The following RIF1 variants were observed in gnomAD, a reference collection of about 807,000 sequenced individuals.
RIF1 encodes replication timing regulatory factor 1.
A neutral mutation model predicts 247.1 loss-of-function variants in RIF1; 45 were observed. That is an observed-to-expected ratio of 0.18 (90% CI 0.14 to 0.23). The LOEUF is 0.23. Ranked by LOEUF, RIF1 falls within the 10% of genes least tolerant of loss-of-function variation. The probability of loss-of-function intolerance (pLI) is 1.00; values close to 1 mark genes in which losing one functional copy is unlikely to be tolerated. For missense variants in RIF1, 2,967 were observed against 2,862.5 expected (o/e 1.04, Z -0.83); for synonymous variants, 1,087 against 978.8 (o/e 1.11, Z -2.06).
chr2:151,514,294 G>A, the RIF1 span: 1 of 1,476,258 alleles, frequency 6.8e-7, no homozygotes. Context: ...TGAATTACGT[G>A]CAGGCAGTCA....
the RIF1 span, among the ~76,000 whole-genome samples, chr2:151,517,788 G>T: frequency 3.9e-5 from 6 of 152,172 alleles, no homozygotes; most frequent in Admixed American, 1.3e-4. Context: ...GGTATTAAAG[G>T]TTTTAAAATG....
chr2:151,487,075 G>T (rs190314267), downstream of RIF1, among the ~76,000 whole-genome samples: 8 of 152,320 alleles, frequency 5.3e-5, no homozygotes, highest in East Asian at 1.5e-3. Flanking sequence ...GCGTGTGTGT[G>T]TACTGACAGA....
At chr2:151,513,533 G>A in the RIF1 span, 5 of 1,396,286 alleles carry the variant, frequency 3.6e-6, no homozygotes, top group Non-Finnish European at 5.0e-6. Flanking sequence ...TGTCCTTAAA[G>A]TTACAACTAC....
At position 151,410,502 on chromosome 2, in the gene RIF1, A is replaced by G. The variant is rs748867121; in HGVS notation, c.79A>G (p.Thr27Ala). Residue 27 changes from threonine (T) to alanine (A), a missense_variant, in exon 2 of 36, where the codon ACT becomes GCT. By Grantham distance (58) the Thr-to-Ala change is moderately conservative. Transcript: ENST00000444746. ...CCCTTCTGCCTCCCATGGAGGGCAGACTGACGCTTACCTGACTCTGACCAG... is the reference window on the plus strand; with the variant it reads ...CCCTTCTGCCTCCCATGGAGGGCAGGCTGACGCTTACCTGACTCTGACCAG... ...EDPSASHGGQ[T>A]DAYLTLTSRM... is the part of the protein sequence containing the mutation. 6.8e-6 allele frequency: 11 copies of G among 1,613,960 alleles called. No individual in the cohort carries two copies. Among genetic ancestry groups the G allele is most frequent in the East Asian group, 2.2e-5 (1 of 44,854 alleles).
chr2:151,501,541 T>G (rs2153075506), intron 11 of RIF1: 1 of 1,013,494 alleles, frequency 9.9e-7, no homozygotes, highest in South Asian at 2.9e-5. Context: ...TTAGGTAGAC[T>G]TAACCTAAAA....
chr2:151,410,586 G>A (rs911191524), intron 2 of RIF1, 59 bp downstream of exon 2: 19 of 1,400,388 alleles, frequency 1.4e-5, no homozygotes, highest in Non-Finnish European at 1.7e-5. Flanking sequence ...GGAGAAAGAA[G>A]GTGGTTGGGA....
chr2:151,431,812 T>TGAAC (rs1690197865), intron 9 of RIF1, among the ~76,000 whole-genome samples: 1 of 148,434 alleles, frequency 6.7e-6, no homozygotes, highest in Non-Finnish European at 1.5e-5. Context: ...AATGAATGAA[T>TGAAC]GAACAAAAAG....
chr2:151,417,016 C>A, intron 6 of RIF1, 115 bp downstream of exon 6: 1 of 700,312 alleles, frequency 1.4e-6, no homozygotes, highest in Non-Finnish European at 2.4e-6. Flanking sequence ...ATGTCATTTA[C>A]ACCAAACGAC....
chr2:151,486,503 A>G (rs1190921069), downstream of RIF1: 1 of 153,006 alleles, frequency 6.5e-6, no homozygotes, highest in Non-Finnish European at 1.5e-5. Context: ...TCCTAGGTGT[A>G]TACCCAAGAA....
chr2:151,409,937 C>T lies in RIF1; in HGVS notation c.-107C>T, dbSNP rs897157319. ...TTGGTCTAGGAGGGAGCGCGCCGCA[C>T]GCGTGAGTAAACAGCCGGAGCTGGG... On this transcript the variant is annotated 5_prime_UTR_variant, in exon 1 of 36. In the 5' UTR this introduces an upstream ATG that the reference lacks. Coordinates refer to ENST00000444746, the MANE Select transcript of RIF1 (RefSeq NM_018151.5). The T allele has an allele frequency of 2.9e-6, 2 of 700,902 alleles. No individual in the cohort carries two copies. Among genetic ancestry groups the T allele is most frequent in the South Asian group, 1.5e-5 (1 of 66,812 alleles). 43.4% of individuals were successfully genotyped at this position (700,902 alleles called of 1,614,324 possible). A position where few individuals can be genotyped will look rare whatever the true frequency, so the allele number is the denominator to read the frequency against.
chr2:151,503,461 T>A, intron 12 of RIF1: 1 of 1,520,968 alleles, frequency 6.6e-7, no homozygotes, highest in South Asian at 1.1e-5. Flanking sequence ...ATAATTAGAA[T>A]ACCCAGAAAG....
intron 9 of RIF1, chr2:151,491,385 T>C (rs2056521645): frequency 3.6e-6 from 1 of 278,438 alleles, no homozygotes; most frequent in South Asian, 4.3e-5. Flanking sequence ...CCTATGTATT[T>C]TATGTATTTT....
the RIF1 span, among the ~76,000 whole-genome samples, chr2:151,531,628 T>G: frequency 6.6e-6 from 1 of 152,210 alleles, no homozygotes; most frequent in East Asian, 1.9e-4. Flanking sequence ...CAACAATTCT[T>G]TATTGGGGAG....
At chr2:151,474,740 C>G in intron 35 of RIF1, 117 bp from the exon 36 acceptor site, 1 of 661,966 alleles carries the variant, frequency 1.5e-6, no homozygotes, top group Non-Finnish European at 2.6e-6. Context: ...CTCATGAAGA[C>G]TTAAGCCTGC....
At chr2:151,484,019 G>A (rs553836303), downstream of RIF1, among the ~76,000 whole-genome samples, 6 of 152,308 alleles carry the variant, frequency 3.9e-5, no homozygotes, top group South Asian at 2.1e-4. Context: ...TAATGTAAAT[G>A]TATGTAAATA....
chr2:151,437,282 T>G lies in RIF1; in HGVS notation c.1414T>G (p.Ser472Ala), dbSNP rs760433586. The G allele has an allele frequency of 1.2e-6, 2 of 1,613,998 alleles. No homozygotes were observed. The highest frequency in any genetic ancestry group is 2.7e-5 in the African/African-American group (2 of 74,932). The change falls in exon 13 of 36, where the codon TCC becomes GCC. Residue 472 changes from serine to alanine, a missense_variant. Physicochemically the swap from Ser to Ala is moderately conservative, Grantham distance 99 (BLOSUM62 1). This residue lies in a region of RIF1 where 369 missense variants were observed against 322.0 expected (regional missense o/e 1.15). Coordinates refer to ENST00000444746, the MANE Select transcript of RIF1 (RefSeq NM_018151.5). ...GTTAATCAGCAGCCCTTCCTTTTTT[T>G]CCAAACATGCAAATACACTTATCAC... ...HPLISSPSFF[S>A]KHANTLITAV...
chr2:151,421,431 G>C (rs1688147471), intron 7 of RIF1, among the ~76,000 whole-genome samples: 2 of 152,220 alleles, frequency 1.3e-5, no homozygotes, highest in African/African-American at 4.8e-5. Context: ...CCTGGTTGGT[G>C]TTCTGGGAAC....
rs181598432 is a variant in RIF1 at position 151,497,885 on chromosome 2, G to C, written c.*514-1460G>C. 1.5e-4 allele frequency: 226 copies of C among 1,494,862 alleles called. No individual in the cohort carries two copies. The African/African-American group carries it at 2.8e-3, about 18-fold the overall frequency. 92.6% of individuals were successfully genotyped at this position (1,494,862 alleles called of 1,614,324 possible). A position where few individuals can be genotyped will look rare whatever the true frequency, so the allele number is the denominator to read the frequency against. On this transcript the variant is annotated intron_variant and NMD_transcript_variant, in intron 10 of 13. Transcript: ENST00000454583. ...AAGCTGTTGTTGGGATAGGGAATCTGCACCCTCTAGAGAAGCAGGGACTTC... is the reference window on the plus strand; with the variant it reads ...AAGCTGTTGTTGGGATAGGGAATCTCCACCCTCTAGAGAAGCAGGGACTTC...
At chr2:151,462,502 A>G in intron 29 of RIF1, 36 bp downstream of exon 29, 2 of 1,356,668 alleles carry the variant, frequency 1.5e-6, no homozygotes, top group Non-Finnish European at 2.0e-6. Context: ...GCTTTTTAGA[A>G]TCACCCTTCC....
Sources: gnomAD v4.1 joint callset for allele counts (sites outside exome capture counted in the v4.1 genomes callset) on GRCh38, gnomAD v4.1.1 for gene constraint, gnomAD v4.1.1 regional missense constraint, MANE v1.5 for transcripts, NCBI Gene and HGNC (gene_info 2026-07-23, HGNC 2026-07-21) for gene names.